Variants in ZNF347 observed in about 807,000 individuals in gnomAD.
The protein encoded by ZNF347 is CTD-2620I22.7.
Under a neutral mutation model 12.9 loss-of-function variants are expected in ZNF347, and 19 were observed. That is an observed-to-expected ratio of 1.47 (90% CI 1.03 to 2.16). The LOEUF (loss-of-function observed/expected upper bound fraction) is 2.16, where lower values mean the gene tolerates loss of function less well. Ranked by LOEUF, ZNF347 falls within the 30% of genes most tolerant of loss-of-function variation. The pLI is 0.00. For synonymous variants in ZNF347, 328 were observed against 340.6 expected (o/e 0.96, Z 0.41); for missense variants, 1,005 against 990.6 (o/e 1.01, Z -0.19).
Position 53,139,633 on chromosome 19 carries a change from T to A in ZNF347, c.*675A>T, listed in dbSNP as rs908297298. On this transcript the variant is annotated 3_prime_UTR_variant, in exon 5 of 5. Coordinates refer to ENST00000334197, the MANE Select transcript of ZNF347 (RefSeq NM_032584.3). ...GTAATTATTGTGCAGTTTATCATTTTAAAAGTGAATCAAAGAACTAGAGAC... is the reference window on the plus strand; with the variant it reads ...GTAATTATTGTGCAGTTTATCATTTAAAAAGTGAATCAAAGAACTAGAGAC... 6.6e-6 allele frequency: 1 copy of A among 152,244 alleles called. No individual in the cohort carries two copies. Among genetic ancestry groups the A allele is most frequent in the Non-Finnish European group, 1.5e-5 (1 of 68,040 alleles). 9.4% of individuals were successfully genotyped at this position (152,244 alleles called of 1,614,324 possible). A position where few individuals can be genotyped will look rare whatever the true frequency, so the allele number is the denominator to read the frequency against.
At position 53,140,258 on chromosome 19, in the gene ZNF347, T is replaced by C; in HGVS notation, c.*50A>G. On this transcript the variant is annotated 3_prime_UTR_variant, in exon 5 of 5. Transcript: ENST00000334197. ...AAATTCTCTGACGTTGTCAAAGGAA[T>C]GAATTCTAACTGCAAAAGTTACCAC... 2 of 1,480,560 alleles carry C rather than the reference T, an allele frequency of 1.4e-6. No individual in the cohort carries two copies. Among genetic ancestry groups the C allele is most frequent in the Non-Finnish European group, 1.8e-6 (2 of 1,102,108 alleles). The allele number at this position is 1,480,560 out of a possible 1,614,324, so 91.7% of individuals were successfully genotyped here. A position where few individuals can be genotyped will look rare whatever the true frequency, so the allele number is the denominator to read the frequency against.
chr19:53,135,347 GAGAGAGAGAGAGAGAGAGAGAA>G lies in ZNF347; in HGVS notation c.*4939_*4960del, dbSNP rs1203481951. On this transcript the variant is annotated 3_prime_UTR_variant, in exon 5 of 5. Transcript: ENST00000334197. Reference sequence around the variant, plus strand: ...ATATATATATATATATATAGAGAGAGAGAGAGAGAGAGAGAGAGAGAAAGAGAGAGAGAGAGAGAGAGAGAGA... The same window carrying G: ...ATATATATATATATATATAGAGAGAGAGAGAGAGAGAGAGAGAGAGAGAGA... The G allele has an allele frequency of 2.6e-3, 320 of 122,398 alleles. No homozygotes were observed. The highest frequency in any genetic ancestry group is 4.5e-3 in the Non-Finnish European group (254 of 56,486). The allele number at this position is 122,398 out of a possible 1,614,324, so 7.6% of individuals were successfully genotyped here.
At chr19:53,158,595 G>A (rs1422765900) in intron 1 of ZNF347, 1 of 152,234 alleles carries the variant, frequency 6.6e-6, no homozygotes, top group Non-Finnish European at 1.5e-5. Flanking sequence ...GGCGCGGTGC[G>A]GGGATCTTAA....
At chr19:53,157,553 CCT>C (rs1483367456) in intron 1 of ZNF347, among the ~76,000 whole-genome samples, 3 of 152,148 alleles carry the variant, frequency 2.0e-5, no homozygotes, top group Non-Finnish European at 2.9e-5. Context: ...AACTCTGATT[CCT>C]CTTTCTCCCC....
Position 53,140,078 on chromosome 19 carries a change from T to G in ZNF347, c.*230A>C. ...ACCAGGCCTAGCTAATTGTGTACTT[T>G]TAGTAGAAATGGGGTTTCGCCATGT... On this transcript the variant is annotated 3_prime_UTR_variant, in exon 5 of 5. Transcript: ENST00000334197. 6.6e-6 allele frequency: 3 copies of G among 457,784 alleles called. No homozygotes were observed. Among genetic ancestry groups the G allele is most frequent in the Non-Finnish European group, 1.2e-5 (3 of 260,680 alleles). The allele number at this position is 457,784 out of a possible 1,614,324, so 28.4% of individuals were successfully genotyped here.
chr19:53,144,323 T>C (rs1288109488), intron 4 of ZNF347, among the ~76,000 whole-genome samples: 2 of 152,166 alleles, frequency 1.3e-5, no homozygotes, highest in African/African-American at 4.8e-5. Flanking sequence ...AAAAGAGCAG[T>C]AGTAGGTATA....
intron 4 of ZNF347, among the ~76,000 whole-genome samples, chr19:53,147,484 A>G (rs1053365164): frequency 4.6e-5 from 7 of 152,012 alleles, no homozygotes; most frequent in African/African-American, 1.4e-4. Context: ...GTTGAGCCCA[A>G]GAGTCTGAGT....
rs1003997961 is a variant in ZNF347, at chr19:53,137,155, G to C, written c.*3153C>G. ...CCTGCCTCGGGCTCCCAAAGTGCTG[G>C]GATTACAGGCATGAGCCTGTAATTT... is the stretch of plus-strand genomic sequence containing the variant. On this transcript the variant is annotated 3_prime_UTR_variant, in exon 5 of 5. Transcript: ENST00000334197. 1 of 152,146 alleles carries C rather than the reference G, an allele frequency of 6.6e-6. No homozygotes were observed. The highest frequency in any genetic ancestry group is 6.6e-5 in the Admixed American group (1 of 15,260). The allele number at this position is 152,146 out of a possible 1,614,324, so 9.4% of individuals were successfully genotyped here. A position where few individuals can be genotyped will look rare whatever the true frequency, so the allele number is the denominator to read the frequency against.
rs1599847816 is a variant in ZNF347, at chr19:53,135,852, G to T, written c.*4456C>A. 6.6e-6 allele frequency: 1 copy of T among 152,180 alleles called. No homozygotes were observed. Among genetic ancestry groups the T allele is most frequent in the East Asian group, 1.9e-4 (1 of 5,182 alleles). The allele number at this position is 152,180 out of a possible 1,614,324, so 9.4% of individuals were successfully genotyped here. On this transcript the variant is annotated 3_prime_UTR_variant, in exon 5 of 5. Transcript: ENST00000334197. ...ATGCAAAGATAAATCACTTATTAAA[G>T]AATATATATCAGTTTTTTAAAATGG... is the stretch of plus-strand genomic sequence containing the variant.
intron 2 of ZNF347, 123 bp downstream of exon 2, chr19:53,153,610 G>C (rs1290070109): frequency 6.9e-7 from 1 of 1,456,744 alleles, no homozygotes; most frequent in South Asian, 1.1e-5. Context: ...GGGAAGGCAC[G>C]CGTAAGTGCG....
rs777474263 is a variant in ZNF347, at chr19:53,140,413, T to C, written c.2415A>G (p.Leu805=). 8 of 1,613,830 alleles carry C rather than the reference T, an allele frequency of 5.0e-6. No individual in the cohort carries two copies. Among genetic ancestry groups the C allele is most frequent in the East Asian group, 2.2e-5 (1 of 44,890 alleles). ...CGKPFSICSS[L]TTHQTIHTGG... is the part of the protein sequence containing the mutation. Reference sequence around the variant, plus strand: ...CAGTATGGATTGTCTGATGGGTAGTTAGGCTTGAACAGATACTAAAGGGTT... The same window carrying C: ...CAGTATGGATTGTCTGATGGGTAGTCAGGCTTGAACAGATACTAAAGGGTT... Residue 805 remains leucine (L), a synonymous_variant, in exon 5 of 5, where the codon CTA becomes CTG. Transcript: ENST00000334197.
Position 53,135,325 on chromosome 19 carries a change from TATATATATATATATAGAG to T in ZNF347, c.*4965_*4982del, listed in dbSNP as rs1330984663. Reference sequence around the variant, plus strand: ...ATATATATATATATATATATATATATATATATATATATATAGAGAGAGAGAGAGAGAGAGAGAGAGAGA... The same window carrying T: ...ATATATATATATATATATATATATATAGAGAGAGAGAGAGAGAGAGAGAGA... On this transcript the variant is annotated 3_prime_UTR_variant, in exon 5 of 5. Coordinates refer to ENST00000334197, the MANE Select transcript of ZNF347 (RefSeq NM_032584.3). 1.8e-3 allele frequency: 81 copies of T among 45,896 alleles called. No individual in the cohort carries two copies. Among genetic ancestry groups the T allele is most frequent in the African/African-American group, 2.2e-3 (31 of 13,840 alleles). 2.8% of individuals were successfully genotyped at this position (45,896 alleles called of 1,614,324 possible). A position where few individuals can be genotyped will look rare whatever the true frequency, so the allele number is the denominator to read the frequency against.
rs1299357683 is a variant in ZNF347 at position 53,138,984 on chromosome 19, C to A, written c.*1324G>T. The A allele has an allele frequency of 6.6e-6, 1 of 152,182 alleles. No homozygotes were observed. The allele number at this position is 152,182 out of a possible 1,614,324, so 9.4% of individuals were successfully genotyped here. On this transcript the variant is annotated 3_prime_UTR_variant, in exon 5 of 5. Transcript: ENST00000334197. The stretch of plus-strand genomic sequence containing the variant: ...AAGCTCTCCACTCTAATAACTGTTA[C>A]CTCTTCAATTTCAAAAATAAGCCTA...
At position 53,142,266 on chromosome 19, in the gene ZNF347, G is replaced by A. The variant is rs762048217; in HGVS notation, c.562C>T (p.Leu188Phe). The change falls in exon 5 of 5, where the codon CTT becomes TTT. Residue 188 changes from leucine to phenylalanine, a missense_variant. Leu to Phe is a conservative substitution (Grantham distance 22). Transcript: ENST00000334197. ...KLIKNQLGLS[L>F]QSHLPELQLF... ...TGCAGTTCAGGCAGATGTGACTGAAGGCTTAATCCAAGCTGATTTTTAATA... is the reference window on the plus strand; with the variant it reads ...TGCAGTTCAGGCAGATGTGACTGAAAGCTTAATCCAAGCTGATTTTTAATA... 2.5e-6 allele frequency: 4 copies of A among 1,613,666 alleles called. No individual in the cohort carries two copies. In the Admixed American group the frequency reaches 5.0e-5, roughly 20 times the overall value.
At chr19:53,156,359 C>T (rs551608907) in intron 1 of ZNF347, among the ~76,000 whole-genome samples, 100 of 151,684 alleles carry the variant, frequency 6.6e-4, no homozygotes, top group African/African-American at 2.3e-3. Flanking sequence ...GCCAAGATTG[C>T]GCCACTGCAC....
rs186756158 is a variant in ZNF347 at position 53,148,138 on chromosome 19, C to G, written c.271+543G>C. Among the ~76,000 whole-genome samples, 958 of 152,234 alleles carry G rather than the reference C, an allele frequency of 6.3e-3. 8 individuals are homozygous for G. The highest frequency in any genetic ancestry group is 0.014 in the Middle Eastern group (4 of 294). On this transcript the variant is annotated intron_variant, in intron 4 of 4. Transcript: ENST00000334197. Reference sequence around the variant, plus strand: ...CTTTCACTACTTCTATTCAACATAGCATTGATGTTCTAGCCAAAGCAATTA... The same window carrying G: ...CTTTCACTACTTCTATTCAACATAGGATTGATGTTCTAGCCAAAGCAATTA...
chr19:53,140,405 T>C lies in ZNF347; in HGVS notation c.2423A>G (p.His808Arg), dbSNP rs2090413315. The C allele has an allele frequency of 1.9e-6, 3 of 1,613,664 alleles. No homozygotes were observed. In the East Asian group the frequency reaches 6.7e-5, roughly 36 times the overall value. ...PFSICSSLTT[H>R]QTIHTGGKPY... ...TTTCCCACCAGTATGGATTGTCTGA[T>C]GGGTAGTTAGGCTTGAACAGATACT... Residue 808 changes from histidine (H) to arginine (R), a missense_variant, in exon 5 of 5, where the codon CAT (histidine) becomes CGT (arginine). Coordinates refer to ENST00000334197, the MANE Select transcript of ZNF347 (RefSeq NM_032584.3).
chr19:53,148,326 A>G (rs1180231556), intron 4 of ZNF347, among the ~76,000 whole-genome samples: 1 of 152,236 alleles, frequency 6.6e-6, no homozygotes, highest in Non-Finnish European at 1.5e-5. Context: ...AAGACTGAGA[A>G]CTGGGCATCA....
intron 1 of ZNF347, among the ~76,000 whole-genome samples, chr19:53,158,291 A>G (rs1370006881): frequency 2.9e-4 from 44 of 152,134 alleles, no homozygotes; most frequent in African/African-American, 1.0e-3. Flanking sequence ...GGCGCCTTAG[A>G]AGAGGGGTGG....
Sources: allele counts gnomAD v4.1 joint callset (sites outside exome capture counted in the v4.1 genomes callset), GRCh38; gene constraint gnomAD v4.1.1; transcripts MANE v1.5; gene names NCBI Gene and HGNC (gene_info 2026-07-23, HGNC 2026-07-21).